The following DOCK3 variants were observed in gnomAD, a reference collection of about 807,000 sequenced individuals.
The protein encoded by DOCK3 is dedicator of cytokinesis 3.
Under a neutral mutation model 265.6 loss-of-function variants are expected in DOCK3, and 60 were observed. The observed-to-expected ratio is 0.23, with a 90% CI of 0.18 to 0.28. The LOEUF (loss-of-function observed/expected upper bound fraction) is 0.28. Among genes scored for constraint, DOCK3 ranks in the 10% least tolerant of loss-of-function variants. DOCK3 has a pLI of 1.00. For missense variants in DOCK3, 1,981 were observed against 2,594.3 expected (o/e 0.76, Z 5.14); for synonymous variants, 881 against 938.0 (o/e 0.94, Z 1.11).
At chr3:51,225,919 C>A in intron 15 of DOCK3, 146 bp downstream of exon 15, 1 of 1,108,946 alleles carries the variant, frequency 9.0e-7, no homozygotes, top group Non-Finnish European at 1.2e-6. Flanking sequence ...TTGAAGAAAA[C>A]TCTAAAGTGT....
chr3:50,846,908 TTTTC>T (rs1378848210), intron 3 of DOCK3, among the ~76,000 whole-genome samples: 2 of 152,168 alleles, frequency 1.3e-5, no homozygotes, highest in South Asian at 2.1e-4. Context: ...CTTTTCTCTT[TTTTC>T]TTTCTTAATC....
At chr3:51,085,782 TA>T (rs2082396606) in intron 7 of DOCK3, among the ~76,000 whole-genome samples, 2 of 151,690 alleles carry the variant, frequency 1.3e-5, no homozygotes, top group South Asian at 2.1e-4. Flanking sequence ...AAAAACAAAC[TA>T]AACCTAAAGT....
At chr3:51,303,652 C>G (rs2082480726) in intron 27 of DOCK3, among the ~76,000 whole-genome samples, 1 of 152,158 alleles carries the variant, frequency 6.6e-6, no homozygotes, top group African/African-American at 2.4e-5. Flanking sequence ...TTTCTTTCAA[C>G]AATTAAGCCC....
chr3:51,021,295 A>C (rs2079580001), intron 5 of DOCK3, among the ~76,000 whole-genome samples: 1 of 149,810 alleles, frequency 6.7e-6, no homozygotes, highest in African/African-American at 2.5e-5. Context: ...CAGATTCTCC[A>C]AGGTTGAAAT....
At chr3:51,030,604 T>G (rs550622969) in intron 5 of DOCK3, among the ~76,000 whole-genome samples, 1 of 152,212 alleles carries the variant, frequency 6.6e-6, no homozygotes, top group Non-Finnish European at 1.5e-5. Context: ...TCCAAAACAC[T>G]GCTAAAATCT....
chr3:51,082,438 G>T (rs1002854207), intron 7 of DOCK3, among the ~76,000 whole-genome samples: 1 of 152,156 alleles, frequency 6.6e-6, no homozygotes, highest in Non-Finnish European at 1.5e-5. Flanking sequence ...ATACCCTGGG[G>T]AATGGGTGGT....
intron 36 of DOCK3, 114 bp from the exon 37 acceptor site, chr3:51,338,821 C>G (rs965462128): frequency 7.1e-6 from 6 of 848,460 alleles, no homozygotes; most frequent in Non-Finnish European, 1.2e-5. Context: ...CTGTCTGCCT[C>G]CAGGGCCTGC....
chr3:51,029,977 G>C (rs958327599), intron 5 of DOCK3, among the ~76,000 whole-genome samples: 1 of 152,064 alleles, frequency 6.6e-6, no homozygotes, highest in Admixed American at 6.6e-5. Context: ...CGGGGTCGGG[G>C]GGTGGGCCAG....
chr3:50,816,820 T>C (rs1351806183), intron 2 of DOCK3, among the ~76,000 whole-genome samples: 2 of 152,082 alleles, frequency 1.3e-5, no homozygotes, highest in African/African-American at 4.8e-5. Flanking sequence ...TTATTTCTTT[T>C]GAGATGGGAT....
chr3:50,753,615 G>C (rs2039974639), intron 1 of DOCK3, among the ~76,000 whole-genome samples: 1 of 151,994 alleles, frequency 6.6e-6, no homozygotes, highest in South Asian at 2.1e-4. Context: ...CTTCTGTCTT[G>C]GCCTCCCAAA....
chr3:50,900,322 C>A (rs1315254166), intron 4 of DOCK3, among the ~76,000 whole-genome samples: 1 of 152,084 alleles, frequency 6.6e-6, no homozygotes, highest in Non-Finnish European at 1.5e-5. Context: ...TTTTTTAGTT[C>A]CATGAGGTCA....
chr3:51,135,591 C>A (rs1396990137), intron 9 of DOCK3, among the ~76,000 whole-genome samples: 1 of 152,166 alleles, frequency 6.6e-6, no homozygotes, highest in Non-Finnish European at 1.5e-5. Context: ...CAGGATATTT[C>A]CATTTTAAGT....
At chr3:51,320,832 G>A (rs527805267) in intron 32 of DOCK3, among the ~76,000 whole-genome samples, 3 of 152,332 alleles carry the variant, frequency 2.0e-5, no homozygotes, top group Admixed American at 1.3e-4. Flanking sequence ...CCAGTCAGGG[G>A]CTTATAGATA....
intron 9 of DOCK3, among the ~76,000 whole-genome samples, chr3:51,145,117 G>A (rs901779643): frequency 2.0e-5 from 3 of 152,002 alleles, no homozygotes; most frequent in Admixed American, 1.3e-4. Flanking sequence ...GTATTTAATG[G>A]CTCTATTAAA....
At chr3:50,731,910 TAAA>T (rs1227867098) in intron 1 of DOCK3, among the ~76,000 whole-genome samples, 1 of 152,066 alleles carries the variant, frequency 6.6e-6, no homozygotes, top group Non-Finnish European at 1.5e-5. Flanking sequence ...ATATTGGAAT[TAAA>T]GAAGTAAAAC....
At chr3:50,956,987 G>A (rs985061877) in intron 5 of DOCK3, among the ~76,000 whole-genome samples, 1 of 152,056 alleles carries the variant, frequency 6.6e-6, no homozygotes, top group East Asian at 1.9e-4. Context: ...CTCCGCCTTC[G>A]CTCCTGGCCT....
intron 3 of DOCK3, among the ~76,000 whole-genome samples, chr3:50,863,022 G>C (rs148765104): frequency 2.6e-4 from 40 of 152,338 alleles, no homozygotes; most frequent in African/African-American, 8.4e-4. Context: ...GGGTGTTGGT[G>C]CTGGCCCCCG....
intron 9 of DOCK3, among the ~76,000 whole-genome samples, chr3:51,094,826 A>T (rs2082773651): frequency 6.6e-6 from 1 of 151,802 alleles, no homozygotes; most frequent in South Asian, 2.1e-4. Flanking sequence ...GTCTCTAAGA[A>T]CTTGCTTTAT....
chr3:51,198,203 G>C (rs1353495030), intron 12 of DOCK3, among the ~76,000 whole-genome samples: 1 of 152,218 alleles, frequency 6.6e-6, no homozygotes, highest in Non-Finnish European at 1.5e-5. Context: ...AGGGGAAGTT[G>C]GAGAAGCAAA....
Sources: gnomAD v4.1 joint callset for allele counts (sites outside exome capture counted in the v4.1 genomes callset) on GRCh38, gnomAD v4.1.1 for gene constraint, MANE v1.5 for transcripts, NCBI Gene and HGNC (gene_info 2026-07-23, HGNC 2026-07-21) for gene names.